The following LOC400499 variants were observed in gnomAD, a reference collection of about 807,000 sequenced individuals.
the LOC400499 span, among the ~76,000 whole-genome samples, chr16:11,434,140 G>T: frequency 6.6e-6 from 1 of 152,120 alleles, no homozygotes; most frequent in African/African-American, 2.4e-5. Flanking sequence ...GCTCTGGAGA[G>T]CTCACCAAGC....
chr16:11,513,458 G>A, the LOC400499 span, among the ~76,000 whole-genome samples: 1 of 151,274 alleles, frequency 6.6e-6, no homozygotes, highest in Non-Finnish European at 1.5e-5. Context: ...TTGAGATGGA[G>A]TCTTACTCTA....
the LOC400499 span, chr16:11,457,215 G>A: frequency 5.0e-6 from 3 of 597,292 alleles, no homozygotes; most frequent in South Asian, 4.2e-5. Context: ...GTAAGGATGT[G>A]GAGAAATCTG....
chr16:11,493,658 G>C, the LOC400499 span: 1 of 397,186 alleles, frequency 2.5e-6, no homozygotes, highest in Non-Finnish European at 4.4e-6. Flanking sequence ...GCAGAGCAGG[G>C]GACCCTTCGG....
the LOC400499 span, among the ~76,000 whole-genome samples, chr16:11,490,591 C>G: frequency 6.6e-6 from 1 of 152,016 alleles, no homozygotes; most frequent in Non-Finnish European, 1.5e-5. Flanking sequence ...GTCCTAGCTA[C>G]TTGGGAGGCT....
At chr16:11,526,400 TAAAG>T in the LOC400499 span, among the ~76,000 whole-genome samples, 1 of 152,178 alleles carries the variant, frequency 6.6e-6, no homozygotes, top group Non-Finnish European at 1.5e-5. Context: ...AAATATTTTT[TAAAG>T]AAAGAAAACT....
the LOC400499 span, among the ~76,000 whole-genome samples, chr16:11,491,344 C>T: frequency 6.6e-6 from 1 of 152,168 alleles, no homozygotes. Flanking sequence ...GACGCCATCC[C>T]TCTTCTATCT....
the LOC400499 span, among the ~76,000 whole-genome samples, chr16:11,420,136 C>T: frequency 6.7e-6 from 1 of 150,230 alleles, no homozygotes; most frequent in Non-Finnish European, 1.5e-5. Flanking sequence ...TATAAAGACA[C>T]ATGCACACGT....
chr16:11,501,103 C>G, the LOC400499 span: 11 of 334,482 alleles, frequency 3.3e-5, no homozygotes, highest in African/African-American at 3.1e-4. Context: ...GAGGGGCTGA[C>G]CCGGGTCTGG....
At chr16:11,376,974 G>A in the LOC400499 span, among the ~76,000 whole-genome samples, 1 of 141,292 alleles carries the variant, frequency 7.1e-6, no homozygotes, top group South Asian at 2.2e-4. Flanking sequence ...ATGTCTCACT[G>A]TGTTGCCCAG....
At chr16:11,509,180 C>T in the LOC400499 span, among the ~76,000 whole-genome samples, 5 of 147,350 alleles carry the variant, frequency 3.4e-5, no homozygotes, top group South Asian at 8.6e-4. Context: ...TGCAGTGGCG[C>T]GATCTCGGCT....
chr16:11,430,203 T>G, the LOC400499 span, among the ~76,000 whole-genome samples: 63 of 152,146 alleles, frequency 4.1e-4, no homozygotes, highest in African/African-American at 1.3e-3. Flanking sequence ...AATGTAAATA[T>G]CTGCCAGGCG....
the LOC400499 span, among the ~76,000 whole-genome samples, chr16:11,446,132 C>G: frequency 5.3e-5 from 8 of 151,302 alleles, no homozygotes; most frequent in South Asian, 1.7e-3. Flanking sequence ...GCCAGGAGAA[C>G]TTTTTTGTGT....
At chr16:11,418,385 A>C in the LOC400499 span, among the ~76,000 whole-genome samples, 20,672 of 152,138 alleles carry the variant, frequency 0.14, 1,696 homozygotes, top group African/African-American at 0.24. Flanking sequence ...CTTGCTGATA[A>C]AACAGGTTGC....
the LOC400499 span, among the ~76,000 whole-genome samples, chr16:11,506,140 G>A: frequency 6.6e-6 from 1 of 152,122 alleles, no homozygotes; most frequent in Admixed American, 6.5e-5. Context: ...GGGTTCAAGC[G>A]ATTCTTCTGT....
chr16:11,488,183 C>T, the LOC400499 span, among the ~76,000 whole-genome samples: 3 of 151,618 alleles, frequency 2.0e-5, no homozygotes, highest in Admixed American at 6.6e-5. Context: ...TTTAGGACTA[C>T]CTTCTCTTTA....
the LOC400499 span, chr16:11,502,305 C>A: frequency 2.5e-6 from 1 of 395,966 alleles, no homozygotes; most frequent in Non-Finnish European, 4.4e-6. Context: ...CACCTTCTCC[C>A]AGGATGTGCT....
the LOC400499 span, among the ~76,000 whole-genome samples, chr16:11,437,724 C>G: frequency 6.6e-6 from 1 of 152,078 alleles, no homozygotes; most frequent in African/African-American, 2.4e-5. Flanking sequence ...AAAAAATTAT[C>G]TGGGTGTGGT....
the LOC400499 span, chr16:11,519,106 T>TC: frequency 2.5e-6 from 1 of 396,950 alleles, no homozygotes. Flanking sequence ...GAGAGACCCC[T>TC]CCCTTGACCA....
chr16:11,392,428 C>T, the LOC400499 span: 1 of 399,038 alleles, frequency 2.5e-6, no homozygotes, highest in Non-Finnish European at 4.4e-6. Context: ...GCCTGCCATC[C>T]CGGAACAGGA....
Sources: allele counts gnomAD v4.1 joint callset (sites outside exome capture counted in the v4.1 genomes callset), GRCh38; gene constraint gnomAD v4.1.1; transcripts MANE v1.5.